GRIA1: variants seen among roughly 807,000 people sequenced by gnomAD.
The protein encoded by GRIA1 is glutamate ionotropic receptor AMPA type subunit 1.
In GRIA1, 31 loss-of-function variants were observed where a neutral mutation model predicts 99.2. The observed-to-expected ratio is 0.31, with a 90% confidence interval of 0.23 to 0.42. GRIA1 has a LOEUF of 0.42. Among genes scored for constraint, GRIA1 ranks in the 10% least tolerant of loss-of-function variants. The probability of loss-of-function intolerance (pLI) is 1.00; values close to 1 mark genes in which losing one functional copy is unlikely to be tolerated. For synonymous variants in GRIA1, 438 were observed against 432.4 expected (o/e 1.01, Z -0.16); for missense variants, 782 against 1,157.5 (o/e 0.68, Z 4.71).
Position 153,639,853 on chromosome 5 carries a change from C to A in GRIA1, c.221-7075C>A, listed in dbSNP as rs528063833. ...AACAGAAAATTTCAATCTGTAGGAC[C>A]TCACATCCCCAGTGAGTACAAAAGT... is the stretch of plus-strand genomic sequence containing the variant. On this transcript the variant is annotated intron_variant, in intron 2 of 15. Coordinates refer to ENST00000285900, the MANE Select transcript of GRIA1 (RefSeq NM_000827.4). 2.1e-4 allele frequency among the ~76,000 whole-genome samples: 32 copies of A among 152,284 alleles called. No individual in the cohort carries two copies. The South Asian group carries it at 6.4e-3, about 31-fold the overall frequency.
chr5:153,613,954 C>A (rs1322207022), intron 2 of GRIA1, among the ~76,000 whole-genome samples: 1 of 152,160 alleles, frequency 6.6e-6, no homozygotes, highest in Admixed American at 6.5e-5. Flanking sequence ...TCAGTCTTCA[C>A]ACTGACCTCT....
chr5:153,722,528 T>C (rs903664663), intron 11 of GRIA1, among the ~76,000 whole-genome samples: 3 of 152,234 alleles, frequency 2.0e-5, no homozygotes, highest in Non-Finnish European at 4.4e-5. Context: ...TGTTGGTACA[T>C]AGATATCCTA....
Position 153,734,871 on chromosome 5 carries a change from T to C in GRIA1, c.1823+28804T>C, listed in dbSNP as rs140463184. Reference sequence around the variant, plus strand: ...AACTTGGATCTTATCTTAAAGATGATGGGAAACCATTTAAAAGTTTCCAGC... The same window carrying C: ...AACTTGGATCTTATCTTAAAGATGACGGGAAACCATTTAAAAGTTTCCAGC... On this transcript the variant is annotated intron_variant, in intron 11 of 15. Transcript: ENST00000285900. Among the ~76,000 whole-genome samples, 1,329 of 152,330 alleles carry C rather than the reference T, an allele frequency of 8.7e-3. 7 individuals carry two copies. Among genetic ancestry groups the C allele is most frequent in the South Asian group, 0.014 (67 of 4,826 alleles).
chr5:153,586,044 G>C (rs2149381058), intron 2 of GRIA1, among the ~76,000 whole-genome samples: 1 of 152,188 alleles, frequency 6.6e-6, no homozygotes, highest in South Asian at 2.1e-4. Context: ...TGATTCAATA[G>C]TTCAAGCTAT....
intron 2 of GRIA1, among the ~76,000 whole-genome samples, chr5:153,583,047 C>T (rs1260247059): frequency 6.6e-6 from 1 of 152,136 alleles, no homozygotes; most frequent in East Asian, 1.9e-4. Flanking sequence ...ATTCTCCCAC[C>T]TCAGCCTCCC....
chr5:153,656,211 G>A (rs1754934220), intron 5 of GRIA1, among the ~76,000 whole-genome samples: 1 of 151,820 alleles, frequency 6.6e-6, no homozygotes, highest in Non-Finnish European at 1.5e-5. Flanking sequence ...TGATCTTACT[G>A]GTTTGGGTCC....
chr5:153,799,793 C>T (rs1427856337), intron 14 of GRIA1, among the ~76,000 whole-genome samples: 6 of 152,290 alleles, frequency 3.9e-5, no homozygotes, highest in Admixed American at 1.3e-4. Context: ...GGCCGGAGAC[C>T]TTCTTCTAAA....
At chr5:153,596,651 TGGA>T (rs1561673598) in intron 2 of GRIA1, among the ~76,000 whole-genome samples, 1 of 152,062 alleles carries the variant, frequency 6.6e-6, no homozygotes, top group Non-Finnish European at 1.5e-5. Context: ...AAAAGCTGGG[TGGA>T]GGAGAGGCAG....
chr5:153,806,512 C>T (rs1277040819), intron 15 of GRIA1, among the ~76,000 whole-genome samples: 1 of 152,182 alleles, frequency 6.6e-6, no homozygotes, highest in Non-Finnish European at 1.5e-5. Context: ...TGATCCACTG[C>T]CTTGACTTCC....
At chr5:153,768,741 G>A (rs1024296809) in intron 12 of GRIA1, among the ~76,000 whole-genome samples, 5 of 152,074 alleles carry the variant, frequency 3.3e-5, no homozygotes, top group Non-Finnish European at 5.9e-5. Context: ...CATGTATAAT[G>A]ATAATTTTAT....
chr5:153,539,332 G>T (rs1325723052), intron 2 of GRIA1, among the ~76,000 whole-genome samples: 1 of 152,146 alleles, frequency 6.6e-6, no homozygotes, highest in African/African-American at 2.4e-5. Flanking sequence ...CCTGATTCTT[G>T]CCTCTTTTTG....
rs911081199 is a variant in GRIA1 at position 153,749,793 on chromosome 5, AT to A, written c.1824-14634del. 7.2e-5 allele frequency among the ~76,000 whole-genome samples: 11 copies of A among 152,056 alleles called. 1 individual carries two copies. Among genetic ancestry groups the A allele is most frequent in the African/African-American group, 2.7e-4 (11 of 41,442 alleles). On this transcript the variant is annotated intron_variant, in intron 11 of 15. Transcript: ENST00000285900. ...TGAATAAATGAATGAATCTACACCCATTTTTTTGCAAACTGCCCACACTACA... is the reference window on the plus strand; with the variant it reads ...TGAATAAATGAATGAATCTACACCCATTTTTTGCAAACTGCCCACACTACA...
At chr5:153,684,406 G>T (rs750636503) in intron 7 of GRIA1, among the ~76,000 whole-genome samples, 2 of 151,998 alleles carry the variant, frequency 1.3e-5, no homozygotes, top group Non-Finnish European at 1.5e-5. Flanking sequence ...AACTCTAATT[G>T]GTTCCATTAA....
chr5:153,522,459 G>T (rs569304603), intron 2 of GRIA1, among the ~76,000 whole-genome samples: 1 of 152,274 alleles, frequency 6.6e-6, no homozygotes, highest in African/African-American at 2.4e-5. Flanking sequence ...GTAAGAGTTT[G>T]TATCAGTCAA....
chr5:153,667,003 AT>A (rs752364996), intron 5 of GRIA1, among the ~76,000 whole-genome samples: 13 of 152,286 alleles, frequency 8.5e-5, no homozygotes, highest in Non-Finnish European at 1.6e-4. Context: ...TTTTAAAAAA[AT>A]ACTTCTAATA....
At chr5:153,589,974 A>G (rs1384825323) in intron 2 of GRIA1, among the ~76,000 whole-genome samples, 1 of 152,196 alleles carries the variant, frequency 6.6e-6, no homozygotes, top group Non-Finnish European at 1.5e-5. Flanking sequence ...GTTTTGGAGT[A>G]AACAAATACC....
At chr5:153,700,396 A>G (rs978052675) in intron 10 of GRIA1, among the ~76,000 whole-genome samples, 1 of 152,176 alleles carries the variant, frequency 6.6e-6, no homozygotes, top group Non-Finnish European at 1.5e-5. Flanking sequence ...AAAAATGATA[A>G]TAAAAAACAT....
intron 7 of GRIA1, among the ~76,000 whole-genome samples, chr5:153,685,650 C>A (rs1013774309): frequency 1.3e-5 from 2 of 152,166 alleles, no homozygotes; most frequent in African/African-American, 4.8e-5. Context: ...GGGCACTTGG[C>A]TATTAAGGAT....
intron 15 of GRIA1, among the ~76,000 whole-genome samples, chr5:153,810,438 G>T: frequency 6.6e-6 from 1 of 152,290 alleles, no homozygotes; most frequent in Non-Finnish European, 1.5e-5. Flanking sequence ...TAAATCAGAG[G>T]TAGTTTTCCA....
Sources: gnomAD v4.1 joint callset for allele counts (sites outside exome capture counted in the v4.1 genomes callset) on GRCh38, gnomAD v4.1.1 for gene constraint, MANE v1.5 for transcripts, NCBI Gene and HGNC (gene_info 2026-07-23, HGNC 2026-07-21) for gene names.